The following DAB2IP variants were observed in gnomAD, a reference collection of about 807,000 sequenced individuals.
DAB2IP encodes the protein DAB2 interacting protein, also known as disabled homolog 2-interacting protein.
A neutral mutation model predicts 107.2 loss-of-function variants in DAB2IP; 28 were observed. The ratio of observed to expected loss-of-function variants is 0.26; its 90% CI spans 0.19 to 0.36. The LOEUF is 0.36. Ranked by LOEUF, DAB2IP falls within the 10% of genes least tolerant of loss-of-function variation. The probability of loss-of-function intolerance (pLI) is 1.00; values close to 1 mark genes in which losing one functional copy is unlikely to be tolerated. For missense variants in DAB2IP, 1,400 were observed against 1,644.7 expected, an observed-to-expected ratio of 0.85 and a Z score of 2.57; for synonymous variants, 755 against 706.4, an observed-to-expected ratio of 1.07 and a Z score of -1.09.
intron 1 of DAB2IP, among the ~76,000 whole-genome samples, chr9:121,645,477 G>A (rs902413843): frequency 6.6e-6 from 1 of 152,188 alleles, no homozygotes; most frequent in Non-Finnish European, 1.5e-5. Flanking sequence ...TGGTCTTGGC[G>A]GCTGTATTTG....
At chr9:121,616,327 A>G (rs61664299) in intron 1 of DAB2IP, among the ~76,000 whole-genome samples, 2 of 152,176 alleles carry the variant, frequency 1.3e-5, no homozygotes, top group East Asian at 3.9e-4. Context: ...TTCTCTGGGG[A>G]GCAATTACCT....
chr9:121,749,643 G>A (rs1335922506), intron 3 of DAB2IP, among the ~76,000 whole-genome samples: 1 of 152,168 alleles, frequency 6.6e-6, no homozygotes, highest in East Asian at 1.9e-4. Context: ...GGGCTAAAGG[G>A]GCCTCCTCAC....
At chr9:121,734,143 C>T (rs997632138) in intron 3 of DAB2IP, among the ~76,000 whole-genome samples, 5 of 140,188 alleles carry the variant, frequency 3.6e-5, no homozygotes, top group East Asian at 1.9e-4. Flanking sequence ...TTTGGGAGGC[C>T]GAGGCGGGTG....
chr9:121,596,882 G>A (rs1439151854), intron 1 of DAB2IP, among the ~76,000 whole-genome samples: 1 of 152,204 alleles, frequency 6.6e-6, no homozygotes, highest in African/African-American at 2.4e-5. Context: ...CCAGACTCCA[G>A]GTCCCTACTG....
intron 1 of DAB2IP, among the ~76,000 whole-genome samples, chr9:121,603,016 GT>G (rs1328757129): frequency 6.6e-6 from 1 of 152,198 alleles, no homozygotes; most frequent in Non-Finnish European, 1.5e-5. Context: ...CCTCTGCTCA[GT>G]TTTTTCACCC....
chr9:121,654,110 G>C (rs1360706170), intron 1 of DAB2IP, among the ~76,000 whole-genome samples: 1 of 152,228 alleles, frequency 6.6e-6, no homozygotes, highest in African/African-American at 2.4e-5. Flanking sequence ...CAGTGACAGG[G>C]TCATGTGAGG....
chr9:121,713,655 A>C (rs1392773337), intron 3 of DAB2IP, among the ~76,000 whole-genome samples: 1 of 152,060 alleles, frequency 6.6e-6, no homozygotes, highest in African/African-American at 2.4e-5. Flanking sequence ...CCTGAGAGTT[A>C]CTGGACAAGC....
intron 8 of DAB2IP, among the ~76,000 whole-genome samples, chr9:121,764,561 T>C (rs1340859396): frequency 6.6e-6 from 1 of 152,226 alleles, no homozygotes; most frequent in East Asian, 1.9e-4. Context: ...AGCCTCGTTC[T>C]GTGGTGGCAC....
intron 8 of DAB2IP, among the ~76,000 whole-genome samples, chr9:121,764,590 G>A (rs1295274315): frequency 6.6e-6 from 1 of 152,182 alleles, no homozygotes; most frequent in Non-Finnish European, 1.5e-5. Context: ...GTGCGGGAGG[G>A]CCTTGCTGTC....
At chr9:121,739,816 G>C (rs894732530) in intron 3 of DAB2IP, among the ~76,000 whole-genome samples, 1 of 152,140 alleles carries the variant, frequency 6.6e-6, no homozygotes, top group African/African-American at 2.4e-5. Context: ...TAGAGCTATG[G>C]GAGTGGAAAG....
chr9:121,768,383 C>A lies in DAB2IP; in HGVS notation c.1698-49C>A, dbSNP rs369029178. The A allele has an allele frequency of 1.4e-5, 23 of 1,602,362 alleles. No individual in the cohort carries two copies. The East Asian group carries it at 4.7e-4, about 33-fold the overall frequency. ...TGTCCCAGTGGAGGGAGTTCCTGGG[C>A]AGGGCCTGCCTGGGCCCAGTAGTGC... On this transcript the variant is annotated intron_variant, in intron 9 of 15. Coordinates refer to ENST00000408936, the Ensembl canonical transcript of DAB2IP.
intron 1 of DAB2IP, among the ~76,000 whole-genome samples, chr9:121,614,176 A>G (rs1831185857): frequency 6.6e-6 from 1 of 152,114 alleles, no homozygotes; most frequent in Non-Finnish European, 1.5e-5. Context: ...CATGGTAAGC[A>G]CTGGTAAGTA....
chr9:121,567,782 A>G (rs1295861379), intron 1 of DAB2IP, among the ~76,000 whole-genome samples: 1 of 152,190 alleles, frequency 6.6e-6, no homozygotes, highest in Admixed American at 6.5e-5. Flanking sequence ...GACAGAGCCC[A>G]TGCAGAGTCT....
chr9:121,658,572 T>G (rs747914654), intron 1 of DAB2IP, among the ~76,000 whole-genome samples: 21 of 152,226 alleles, frequency 1.4e-4, no homozygotes, highest in Non-Finnish European at 2.9e-4. Flanking sequence ...AATTGGCCCA[T>G]GTGGCCTTCA....
chr9:121,773,220 GA>G lies in DAB2IP; in HGVS notation c.2697del (p.Gly900AlafsTer41), dbSNP rs865922777. The G allele has an allele frequency of 3.8e-6, 6 of 1,563,842 alleles. No individual in the cohort carries two copies. Among genetic ancestry groups the G allele is most frequent in the Admixed American group, 1.9e-5 (1 of 53,090 alleles). On this transcript the variant is annotated frameshift_variant, in exon 12 of 16. Coordinates refer to ENST00000408936, the Ensembl canonical transcript of DAB2IP. LOFTEE classifies it high-confidence loss of function. ...GGCACGGCGACAGATGTCACTGACT[GA>G]AAAAGGCGGGCAGCCCACGGTGCCA...
intron 1 of DAB2IP, among the ~76,000 whole-genome samples, chr9:121,631,040 G>GC (rs1831859897): frequency 6.6e-6 from 1 of 152,236 alleles, no homozygotes; most frequent in African/African-American, 2.4e-5. Flanking sequence ...CAGGCTGGGG[G>GC]CTACCCCATG....
rs1450093364 is a variant in DAB2IP, at chr9:121,745,166, A to C, written c.363-11847A>C. Among the ~76,000 whole-genome samples, 5 of 152,200 alleles carry C rather than the reference A, an allele frequency of 3.3e-5. No individual in the cohort carries two copies. In the East Asian group the frequency reaches 9.6e-4, roughly 29 times the overall value. On this transcript the variant is annotated intron_variant, in intron 3 of 15. Coordinates refer to ENST00000408936, the Ensembl canonical transcript of DAB2IP. The stretch of plus-strand genomic sequence containing the variant: ...AAGCCCCTGGAGGTGTCAGAGCCTC[A>C]TTCTTTGCTGCAGTTAGCTGTGTGA...
intron 1 of DAB2IP, among the ~76,000 whole-genome samples, chr9:121,607,920 C>G (rs1260216937): frequency 6.6e-6 from 1 of 152,228 alleles, no homozygotes; most frequent in Non-Finnish European, 1.5e-5. Context: ...AGCAGCAGGA[C>G]CCAGCCAGAA....
intron 1 of DAB2IP, among the ~76,000 whole-genome samples, chr9:121,584,660 T>C (rs1271761649): frequency 1.3e-5 from 2 of 152,076 alleles, no homozygotes; most frequent in East Asian, 3.9e-4. Flanking sequence ...GTAGGTTTTG[T>C]TGGGTAACAG....
Sources: gnomAD v4.1 joint callset for allele counts (sites outside exome capture counted in the v4.1 genomes callset) on GRCh38, gnomAD v4.1.1 for gene constraint, MANE v1.5 for transcripts, NCBI Gene and HGNC (gene_info 2026-07-23, HGNC 2026-07-21) for gene names.